Variants in CNTN3 observed in about 807,000 individuals in gnomAD.
CNTN3 encodes contactin-3.
A neutral mutation model predicts 119.1 loss-of-function variants in CNTN3; 60 were observed. That is an observed-to-expected ratio of 0.50 (90% CI 0.41 to 0.62). The LOEUF (loss-of-function observed/expected upper bound fraction) is 0.62, where lower values mean the gene tolerates loss of function less well. CNTN3 is among the 20% of genes least tolerant of loss of function. The pLI is 0.00. For missense variants in CNTN3, 1,101 were observed against 1,242.4 expected (o/e 0.89, Z 1.71); for synonymous variants, 450 against 438.7 (o/e 1.03, Z -0.32).
chr3:74,423,088 A>G (rs1477350588), intron 5 of CNTN3, among the ~76,000 whole-genome samples: 8 of 152,198 alleles, frequency 5.3e-5, no homozygotes, highest in Admixed American at 5.2e-4. Flanking sequence ...TGGAGGCAAT[A>G]TGGAGAGAAG....
At chr3:74,389,855 G>T (rs1159994479) in intron 5 of CNTN3, among the ~76,000 whole-genome samples, 2 of 152,108 alleles carry the variant, frequency 1.3e-5, no homozygotes, top group Non-Finnish European at 2.9e-5. Flanking sequence ...AAAAAAGAGA[G>T]AAATGAAACT....
chr3:74,327,770 A>G (rs142127810), intron 13 of CNTN3, among the ~76,000 whole-genome samples: 3,428 of 152,052 alleles, frequency 0.023, 47 homozygotes, highest in Non-Finnish European at 0.034. Context: ...GACAATTTTA[A>G]TTTCATTTTT....
chr3:74,400,316 G>A (rs1321555307), intron 5 of CNTN3, among the ~76,000 whole-genome samples: 1 of 152,044 alleles, frequency 6.6e-6, no homozygotes, highest in Non-Finnish European at 1.5e-5. Flanking sequence ...TTAACAGATG[G>A]GAACACCAAA....
chr3:74,545,909 C>T (rs1426704128), intron 1 of CNTN3, among the ~76,000 whole-genome samples: 1 of 152,194 alleles, frequency 6.6e-6, no homozygotes, highest in African/African-American at 2.4e-5. Context: ...GGTCCAATCT[C>T]TGCTCCTTGA....
chr3:74,569,275 C>T (rs941926336), intron 1 of CNTN3, among the ~76,000 whole-genome samples: 1 of 152,164 alleles, frequency 6.6e-6, no homozygotes, highest in African/African-American at 2.4e-5. Flanking sequence ...CTGGGAATTA[C>T]ACCTCTTGGA....
chr3:74,266,801 G>C (rs1575685982), intron 21 of CNTN3, 152 bp from the exon 22 acceptor site: 1 of 691,282 alleles, frequency 1.4e-6, no homozygotes, highest in South Asian at 1.9e-5. Flanking sequence ...TCTTAGATTA[G>C]AGGTTAGCAC....
chr3:74,396,219 T>C (rs1705048091), intron 5 of CNTN3, among the ~76,000 whole-genome samples: 1 of 152,122 alleles, frequency 6.6e-6, no homozygotes, highest in African/African-American at 2.4e-5. Context: ...TTAAGTGTAG[T>C]AGGGAAGAGA....
chr3:74,567,293 G>A (rs747681505), intron 1 of CNTN3, among the ~76,000 whole-genome samples: 63 of 148,676 alleles, frequency 4.2e-4, no homozygotes, highest in Non-Finnish European at 8.0e-4. Flanking sequence ...GGTGCATGCC[G>A]CTATACTCAA....
In CNTN3 at chr3:74,440,562, T is replaced by C. The variant is rs115753766; in HGVS notation, c.359-15622A>G. ...ATGTACAGTTAGCCTTCTGTATCCA[T>C]AGGTTCCCCATTGGTGGATTGAACC... is the stretch of plus-strand genomic sequence containing the variant. On this transcript the variant is annotated intron_variant, in intron 4 of 22. Coordinates refer to ENST00000263665, the MANE Select transcript of CNTN3 (RefSeq NM_020872.3). Among the ~76,000 whole-genome samples, 313 of 152,046 alleles carry C rather than the reference T, an allele frequency of 2.1e-3. 1 individual carries two copies. Among genetic ancestry groups the C allele is most frequent in the African/African-American group, 6.6e-3 (275 of 41,506 alleles).
intron 4 of CNTN3, among the ~76,000 whole-genome samples, chr3:74,475,940 T>C (rs1471551269): frequency 6.6e-6 from 1 of 152,152 alleles, no homozygotes; most frequent in Non-Finnish European, 1.5e-5. Context: ...CACCATACAT[T>C]TTGTGCCACA....
At chr3:74,358,020 C>T (rs1160470986) in intron 11 of CNTN3, among the ~76,000 whole-genome samples, 1 of 152,134 alleles carries the variant, frequency 6.6e-6, no homozygotes, top group Non-Finnish European at 1.5e-5. Flanking sequence ...CTTTCGTTGC[C>T]AAGTGATGAC....
chr3:74,577,216 T>G (rs2106661295), intron 1 of CNTN3, among the ~76,000 whole-genome samples: 1 of 152,212 alleles, frequency 6.6e-6, no homozygotes, highest in South Asian at 2.1e-4. Context: ...CAAACTAATA[T>G]CAAATGAGTA....
At chr3:74,449,679 C>T (rs1702112165) in intron 4 of CNTN3, among the ~76,000 whole-genome samples, 1 of 152,032 alleles carries the variant, frequency 6.6e-6, no homozygotes, top group Admixed American at 6.6e-5. Flanking sequence ...TCTGATGCAC[C>T]TCAGCTTTCA....
intron 4 of CNTN3, among the ~76,000 whole-genome samples, chr3:74,478,572 C>T (rs1702703313): frequency 6.6e-6 from 1 of 152,096 alleles, no homozygotes; most frequent in Non-Finnish European, 1.5e-5. Context: ...GGATTTCTTT[C>T]CCCTCTGGGG....
intron 13 of CNTN3, among the ~76,000 whole-genome samples, chr3:74,327,406 G>T (rs1470772359): frequency 1.3e-5 from 2 of 152,018 alleles, no homozygotes; most frequent in African/African-American, 4.8e-5. Flanking sequence ...CGTATTACAG[G>T]CATGAGCCAC....
chr3:74,314,390 C>T (rs1322700609), intron 13 of CNTN3, among the ~76,000 whole-genome samples: 1 of 152,088 alleles, frequency 6.6e-6, no homozygotes, highest in Non-Finnish European at 1.5e-5. Context: ...AAAGCCTAGA[C>T]CCAATTACAT....
intron 1 of CNTN3, among the ~76,000 whole-genome samples, chr3:74,583,520 T>C (rs1213991050): frequency 2.6e-5 from 4 of 152,108 alleles, no homozygotes; most frequent in Non-Finnish European, 5.9e-5. Flanking sequence ...GGCAAAACTC[T>C]ACTGTAGCAG....
chr3:74,376,012 T>A (rs1575670452), intron 5 of CNTN3, among the ~76,000 whole-genome samples: 1 of 151,710 alleles, frequency 6.6e-6, no homozygotes, highest in Admixed American at 6.6e-5. Context: ...AAGAAGGAGG[T>A]ATGACTACAC....
intron 1 of CNTN3, among the ~76,000 whole-genome samples, chr3:74,572,723 T>A (rs1428302847): frequency 6.6e-6 from 1 of 152,238 alleles, no homozygotes; most frequent in African/African-American, 2.4e-5. Flanking sequence ...ATTAAATACT[T>A]GCTTATAAAA....
Sources: gnomAD v4.1 joint callset for allele counts (sites outside exome capture counted in the v4.1 genomes callset) on GRCh38, gnomAD v4.1.1 for gene constraint, MANE v1.5 for transcripts, NCBI Gene and HGNC (gene_info 2026-07-23, HGNC 2026-07-21) for gene names.